Variants in MDN1 observed in about 807,000 individuals in gnomAD.
The protein encoded by MDN1 is midasin AAA ATPase 1, also known as midasin.
Under a neutral mutation model 669.2 loss-of-function variants are expected in MDN1, and 266 were observed. The ratio of observed to expected loss-of-function variants is 0.40; its 90% CI spans 0.36 to 0.44. The LOEUF (loss-of-function observed/expected upper bound fraction) is 0.44, where lower values mean the gene tolerates loss of function less well. Among genes scored for constraint, MDN1 ranks in the 20% least tolerant of loss-of-function variants. The pLI is 1.00. For synonymous variants in MDN1, 2,385 were observed against 2,457.1 expected (o/e 0.97, Z 0.87); for missense variants, 5,940 against 6,754.0 (o/e 0.88, Z 4.22).
chr6:89,652,278 A>G lies in MDN1; in HGVS notation c.15829T>C (p.Phe5277Leu). The change falls in exon 95 of 102, where the codon TTT becomes CTT. Residue 5277 changes from phenylalanine (F) to leucine (L), a missense_variant. Phe to Leu is a conservative substitution (Grantham distance 22). This residue lies in a region of MDN1 where 2,280 missense variants were observed against 2,576.3 expected (regional missense o/e 0.88). Coordinates refer to ENST00000369393, the MANE Select transcript of MDN1 (RefSeq NM_014611.3). ...QFLMDTIFQPFLKDVNELRQE... is the reference protein window; with the variant it reads ...QFLMDTIFQPLLKDVNELRQE... ...CTTAGCTCATTGACATCTTTTAAAA[A>G]GGGCTAAAAAGAAAAAGCCATAGAT... The G allele has an allele frequency of 6.2e-7, 1 of 1,611,830 alleles. No individual in the cohort carries two copies. Among genetic ancestry groups the G allele is most frequent in the South Asian group, 1.1e-5 (1 of 90,672 alleles).
rs139184895 is a variant in MDN1, at chr6:89,733,075, C to T, written c.4724-300G>A. ...AAGAAATATTCATTTGATTTGAGTT[C>T]GGACACAGTTTTGAACTTCTATTAT... is the stretch of plus-strand genomic sequence containing the variant. On this transcript the variant is annotated intron_variant, in intron 33 of 101. Coordinates refer to ENST00000369393, the MANE Select transcript of MDN1 (RefSeq NM_014611.3). Among the ~76,000 whole-genome samples the T allele has an allele frequency of 1.4e-3, 215 of 152,136 alleles. 3 individuals carry two copies. Among genetic ancestry groups the T allele is most frequent in the Admixed American group, 0.011 (168 of 15,292 alleles).
intron 17 of MDN1, among the ~76,000 whole-genome samples, chr6:89,760,280 G>A (rs1373981443): frequency 1.3e-5 from 2 of 152,092 alleles, no homozygotes; most frequent in Non-Finnish European, 2.9e-5. Flanking sequence ...CAGGGTCACA[G>A]GACAGCAAAC....
chr6:89,672,733 A>G (rs770973071), intron 80 of MDN1, 31 bp from the exon 81 acceptor site: 2 of 1,606,276 alleles, frequency 1.2e-6, no homozygotes, highest in Non-Finnish European at 1.7e-6. Flanking sequence ...AAACAAACAT[A>G]CAAACAAAAG....
At chr6:89,732,809 T>C in intron 33 of MDN1, 34 bp from the exon 34 acceptor site, 4 of 1,595,948 alleles carry the variant, frequency 2.5e-6, no homozygotes, top group Non-Finnish European at 3.4e-6. Flanking sequence ...CATTTGCTGT[T>C]AACGGGAGAT....
intron 59 of MDN1, among the ~76,000 whole-genome samples, chr6:89,697,269 T>C (rs1236237994): frequency 6.6e-6 from 1 of 152,154 alleles, no homozygotes; most frequent in African/African-American, 2.4e-5. Context: ...TTTGCATCCC[T>C]ATATCATAAA....
chr6:89,659,617 A>G lies in MDN1; in HGVS notation c.14714-700T>C, dbSNP rs959706964. Among the ~76,000 whole-genome samples, 6 of 152,336 alleles carry G rather than the reference A, an allele frequency of 3.9e-5. No individual in the cohort carries two copies. In the South Asian group the frequency reaches 1.2e-3, roughly 32 times the overall value. On this transcript the variant is annotated intron_variant, in intron 88 of 101. Transcript: ENST00000369393. Reference sequence around the variant, plus strand: ...TTTTAATGGCATATTTCATTAAAAAATAATAGCTAATCCACCCAAAAAAAC... The same window carrying G: ...TTTTAATGGCATATTTCATTAAAAAGTAATAGCTAATCCACCCAAAAAAAC...
At position 89,684,921 on chromosome 6, in the gene MDN1, C is replaced by T. The variant is rs1562086458; in HGVS notation, c.11784G>A (p.Gln3928=). ...GGGAACGAAGTTCCACAATTTTGGC[C>T]TGGACCCGGTCAAAGAATTGCTTGT... ...HYYKQFFDRV[Q]AKIVELRSPL... is the part of the protein sequence containing the mutation. The change falls in exon 71 of 102, where the codon CAG becomes CAA. Residue 3928 remains glutamine (Q), a synonymous_variant. Coordinates refer to ENST00000369393, the MANE Select transcript of MDN1 (RefSeq NM_014611.3). The T allele has an allele frequency of 6.2e-7, 1 of 1,613,640 alleles. No homozygotes were observed. The highest frequency in any genetic ancestry group is 8.5e-7 in the Non-Finnish European group (1 of 1,179,616).
intron 5 of MDN1, among the ~76,000 whole-genome samples, chr6:89,793,549 C>T (rs1001837669): frequency 6.6e-6 from 1 of 152,152 alleles, no homozygotes; most frequent in Non-Finnish European, 1.5e-5. Context: ...CCCGTCTCTA[C>T]AATTTAAAAA....
intron 2 of MDN1, among the ~76,000 whole-genome samples, chr6:89,800,075 T>C (rs567064264): frequency 6.6e-6 from 1 of 151,908 alleles, no homozygotes; most frequent in South Asian, 2.1e-4. Context: ...TGATCTCCAA[T>C]GGTCAAAGAT....
At chr6:89,766,607 T>C (rs773901423) in intron 15 of MDN1, among the ~76,000 whole-genome samples, 1 of 152,178 alleles carries the variant, frequency 6.6e-6, no homozygotes, top group Non-Finnish European at 1.5e-5. Flanking sequence ...CCTGCCTTCA[T>C]GGAAAATAAC....
At chr6:89,783,278 G>A (rs72919922) in intron 9 of MDN1, among the ~76,000 whole-genome samples, 15,214 of 151,712 alleles carry the variant, frequency 0.1, 982 homozygotes, top group South Asian at 0.17. Flanking sequence ...ATGCATTCCC[G>A]GGGGGGAGGT....
chr6:89,655,752 C>G lies in MDN1; in HGVS notation c.15490+12G>C. ...TCAGTGGGCAAAGGCAGCAGCTTTC[C>G]CAGGACCGTACCATAGGTCTGTGCA... On this transcript the variant is annotated intron_variant, in intron 92 of 101. Coordinates refer to ENST00000369393, the MANE Select transcript of MDN1 (RefSeq NM_014611.3). 1 of 1,586,712 alleles carries G rather than the reference C, an allele frequency of 6.3e-7. No individual in the cohort carries two copies. The highest frequency in any genetic ancestry group is 8.6e-7 in the Non-Finnish European group (1 of 1,165,870).
At chr6:89,746,952 G>A (rs1816671325) in intron 27 of MDN1, among the ~76,000 whole-genome samples, 2 of 152,198 alleles carry the variant, frequency 1.3e-5, no homozygotes, top group African/African-American at 4.8e-5. Flanking sequence ...GAATGCTGAT[G>A]TTTTCTGACA....
Position 89,684,884 on chromosome 6 carries a change from C to A in MDN1, c.11821G>T (p.Glu3941Ter). 1.3e-6 allele frequency: 2 copies of A among 1,598,916 alleles called. No individual in the cohort carries two copies. Among genetic ancestry groups the A allele is most frequent in the Non-Finnish European group, 1.7e-6 (2 of 1,166,648 alleles). The stretch of plus-strand genomic sequence containing the variant: ...ACAGCTGTTCATCTTACTTTAAGTT[C>A]TTTTTCTAGGGGGGAACGAAGTTCC... ...IVELRSPLEK[E>*]LKEFVKISKW... The change falls in exon 71 of 102, where the codon GAA becomes TAA. Residue 3941 changes from glutamate (E) to a stop codon, truncating the protein, a stop_gained. Transcript: ENST00000369393. LOFTEE classifies it high-confidence loss of function.
At position 89,695,997 on chromosome 6, in the gene MDN1, G is replaced by A. The variant is rs1356335091; in HGVS notation, c.9384-5C>T. On this transcript the variant is annotated splice_region_variant and splice_polypyrimidine_tract_variant and intron_variant, in intron 60 of 101. Coordinates refer to ENST00000369393, the MANE Select transcript of MDN1 (RefSeq NM_014611.3). The surrounding 1 kb of genome is among the most constrained non-coding windows in gnomAD (Gnocchi z 4.1). ...TGGAGTTGGGAATCCGTGCGTCTGTGGGGACAAAAAGAAAGCACTGAAAGG... is the reference window on the plus strand; with the variant it reads ...TGGAGTTGGGAATCCGTGCGTCTGTAGGGACAAAAAGAAAGCACTGAAAGG... 6.2e-7 allele frequency: 1 copy of A among 1,600,620 alleles called. No individual in the cohort carries two copies. The highest frequency in any genetic ancestry group is 8.5e-7 in the Non-Finnish European group (1 of 1,172,672).
At chr6:89,656,244 T>C (rs1054031233) in intron 91 of MDN1, among the ~76,000 whole-genome samples, 3 of 152,234 alleles carry the variant, frequency 2.0e-5, no homozygotes, top group African/African-American at 7.2e-5. Flanking sequence ...AAAGAAGGAA[T>C]TGGTAACACC....
chr6:89,781,143 AG>A (rs1818651973), intron 10 of MDN1: 1 of 474,704 alleles, frequency 2.1e-6, no homozygotes, highest in African/African-American at 1.9e-5. Context: ...TATTTTTTAA[AG>A]TTAAAAACAT....
chr6:89,770,072 T>G (rs1379289584), intron 15 of MDN1, among the ~76,000 whole-genome samples: 2 of 151,518 alleles, frequency 1.3e-5, no homozygotes, highest in African/African-American at 4.9e-5. Flanking sequence ...CACTCCAGCC[T>G]TGGTGACAGA....
chr6:89,714,283 G>A (rs1289798333), intron 46 of MDN1, among the ~76,000 whole-genome samples: 2 of 152,088 alleles, frequency 1.3e-5, no homozygotes, highest in African/African-American at 4.8e-5. Flanking sequence ...TGCGTAAAGT[G>A]GAATTACTCG....
Sources: allele counts gnomAD v4.1 joint callset (sites outside exome capture counted in the v4.1 genomes callset), GRCh38; gene constraint gnomAD v4.1.1; regional missense constraint gnomAD v4.1.1; non-coding constraint Gnocchi (gnomAD v3.1); transcripts MANE v1.5; gene names NCBI Gene and HGNC (gene_info 2026-07-23, HGNC 2026-07-21).